KIAA1217: variants seen among roughly 807,000 people sequenced by gnomAD.
The protein encoded by KIAA1217 is sickle tail protein homolog.
Under a neutral mutation model 163.9 loss-of-function variants are expected in KIAA1217, and 88 were observed. The ratio of observed to expected loss-of-function variants is 0.54; its 90% CI spans 0.45 to 0.64. KIAA1217 has a LOEUF of 0.64. Ranked by LOEUF, KIAA1217 falls within the 30% of genes least tolerant of loss-of-function variation. The probability of loss-of-function intolerance (pLI) is 0.00; values close to 1 mark genes in which losing one functional copy is unlikely to be tolerated. For synonymous variants in KIAA1217, 903 were observed against 923.1 expected (o/e 0.98, Z 0.39); for missense variants, 2,372 against 2,475.0 (o/e 0.96, Z 0.88).
rs575367536 is a variant in KIAA1217 at position 23,785,393 on chromosome 10, A to G, written c.-321+90159A>G. Reference sequence around the variant, plus strand: ...TACCCCTGTGCCTCAGCATCCACACATTTCTGTTATGGGACTTGACATAGA... The same window carrying G: ...TACCCCTGTGCCTCAGCATCCACACGTTTCTGTTATGGGACTTGACATAGA... On this transcript the variant is annotated intron_variant, in intron 1 of 18. Coordinates refer to the KIAA1217 transcript ENST00000376462. Among the ~76,000 whole-genome samples, 11 of 152,180 alleles carry G rather than the reference A, an allele frequency of 7.2e-5. No homozygotes were observed. In the South Asian group the frequency reaches 2.3e-3, roughly 32 times the overall value.
chr10:23,927,300 C>T (rs1843062471), intron 1 of KIAA1217, among the ~76,000 whole-genome samples: 1 of 150,556 alleles, frequency 6.6e-6, no homozygotes, highest in South Asian at 2.1e-4. Flanking sequence ...TTTTCTCTCA[C>T]AAGGCTCACC....
intron 2 of KIAA1217, among the ~76,000 whole-genome samples, chr10:24,231,424 G>A (rs1460999125): frequency 6.6e-6 from 1 of 152,210 alleles, no homozygotes; most frequent in African/African-American, 2.4e-5. Flanking sequence ...GCACGTGAAA[G>A]GAGTATGGTG....
At chr10:24,097,394 C>CA (rs1265116628) in intron 2 of KIAA1217, among the ~76,000 whole-genome samples, 1 of 151,814 alleles carries the variant, frequency 6.6e-6, no homozygotes, top group South Asian at 2.1e-4. Flanking sequence ...TCTGAAAACA[C>CA]AAAAAAACAT....
chr10:24,406,279 TG>T (rs1160546381), intron 3 of KIAA1217, among the ~76,000 whole-genome samples: 2 of 152,212 alleles, frequency 1.3e-5, no homozygotes, highest in Admixed American at 1.3e-4. Context: ...AGTGGTATTT[TG>T]AAGATCAAAG....
intron 5 of KIAA1217, among the ~76,000 whole-genome samples, chr10:24,445,023 G>A (rs927940274): frequency 1.1e-4 from 17 of 152,152 alleles, no homozygotes; most frequent in African/African-American, 3.6e-4. Flanking sequence ...GATATAAATA[G>A]TATTCATTCT....
chr10:24,300,093 G>A (rs2041126009), intron 2 of KIAA1217, among the ~76,000 whole-genome samples: 3 of 152,182 alleles, frequency 2.0e-5, no homozygotes, highest in Admixed American at 6.5e-5. Context: ...CCGAGGCTAC[G>A]TACAGAGAGA....
intron 1 of KIAA1217, among the ~76,000 whole-genome samples, chr10:23,990,996 C>A (rs1846194526): frequency 6.6e-6 from 1 of 152,126 alleles, no homozygotes; most frequent in Admixed American, 6.6e-5. Flanking sequence ...AACTTGGAAC[C>A]TACCCTTTGA....
At chr10:23,985,966 T>C (rs1040385639) in intron 1 of KIAA1217, among the ~76,000 whole-genome samples, 2 of 152,236 alleles carry the variant, frequency 1.3e-5, no homozygotes, top group Non-Finnish European at 1.5e-5. Context: ...GTGCGTCCCA[T>C]GGCAGAAAGA....
At chr10:24,206,330 ACCTACTTC>A (rs2067552507), upstream of KIAA1217, among the ~76,000 whole-genome samples, 1 of 152,204 alleles carries the variant, frequency 6.6e-6, no homozygotes, top group African/African-American at 2.4e-5. Context: ...AAAGAAATAC[ACCTACTTC>A]TAGTTCAAAT....
At chr10:23,822,799 GT>G (rs1285446522) in intron 1 of KIAA1217, among the ~76,000 whole-genome samples, 5 of 152,280 alleles carry the variant, frequency 3.3e-5, no homozygotes, top group South Asian at 4.1e-4. Context: ...AATGAATCAA[GT>G]ATTTACAATA....
intron 2 of KIAA1217, among the ~76,000 whole-genome samples, chr10:24,255,901 G>T (rs2075097305): frequency 6.6e-6 from 1 of 151,884 alleles, no homozygotes; most frequent in African/African-American, 2.4e-5. Context: ...ATTTTTCTTT[G>T]ATTCTACAGG....
intron 2 of KIAA1217, among the ~76,000 whole-genome samples, chr10:24,259,066 C>T (rs970802830): frequency 6.6e-6 from 1 of 152,122 alleles, no homozygotes; most frequent in Non-Finnish European, 1.5e-5. Flanking sequence ...TGCTTCTACC[C>T]TGTTCAACTG....
chr10:24,195,343 T>C (rs2066935564), intron 2 of KIAA1217, among the ~76,000 whole-genome samples: 1 of 152,150 alleles, frequency 6.6e-6, no homozygotes. Context: ...CATTAGGAGA[T>C]GGCTCAGGAG....
intron 13 of KIAA1217, among the ~76,000 whole-genome samples, chr10:24,525,850 C>T (rs1462080896): frequency 6.6e-6 from 1 of 151,990 alleles, no homozygotes; most frequent in African/African-American, 2.4e-5. Context: ...ATTAGCTGGG[C>T]ATGGTGGCGC....
At chr10:24,205,500 G>A (rs1373074646), upstream of KIAA1217, among the ~76,000 whole-genome samples, 3 of 150,834 alleles carry the variant, frequency 2.0e-5, no homozygotes, top group Admixed American at 6.6e-5. Context: ...AATGCCGGGC[G>A]CGGTGGCTCA....
chr10:24,441,359 A>C (rs555292249), intron 5 of KIAA1217, among the ~76,000 whole-genome samples: 45 of 152,304 alleles, frequency 3.0e-4, no homozygotes, highest in African/African-American at 1.0e-3. Context: ...AACAAAAGTC[A>C]CACCAGAACT....
chr10:23,938,935 T>TC (rs1843646028), intron 1 of KIAA1217, among the ~76,000 whole-genome samples: 1 of 152,016 alleles, frequency 6.6e-6, no homozygotes. Context: ...TTTAAAACAA[T>TC]CCAAAAATAA....
At chr10:24,102,770 G>A (rs1208313741) in intron 2 of KIAA1217, among the ~76,000 whole-genome samples, 1 of 152,164 alleles carries the variant, frequency 6.6e-6, no homozygotes, top group Admixed American at 6.6e-5. Flanking sequence ...TGATCTTTGA[G>A]GAAGGAGCAA....
At position 24,533,227 on chromosome 10, in the gene KIAA1217, C is replaced by T; in HGVS notation, c.3404C>T (p.Ala1135Val). 6.2e-7 allele frequency: 1 copy of T among 1,610,600 alleles called. No homozygotes were observed. Among genetic ancestry groups the T allele is most frequent in the Non-Finnish European group, 8.5e-7 (1 of 1,178,660 alleles). The change falls in exon 16 of 21, where the codon GCA becomes GTA. Residue 1135 changes from alanine (A) to valine (V), a missense_variant. Ala to Val is a moderately conservative substitution (Grantham distance 64). Coordinates refer to ENST00000376454, the MANE Select transcript of KIAA1217 (RefSeq NM_019590.5). ...EEEEEGDKIM[A>V]ELQAFQKCSF... ...GAAGAAGAAGGAGACAAAATAATGGCAGAACTCCAGGTATGTGGATGAGGT... is the reference window on the plus strand; with the variant it reads ...GAAGAAGAAGGAGACAAAATAATGGTAGAACTCCAGGTATGTGGATGAGGT...
Sources: gnomAD v4.1 joint callset for allele counts (sites outside exome capture counted in the v4.1 genomes callset) on GRCh38, gnomAD v4.1.1 for gene constraint, MANE v1.5 for transcripts, NCBI Gene and HGNC (gene_info 2026-07-23, HGNC 2026-07-21) for gene names.